ELOVL4: variants seen among roughly 807,000 people sequenced by gnomAD.
ELOVL4 encodes the protein ELOVL fatty acid elongase 4, also known as very long chain fatty acid elongase 4.
ELOVL4 carries 18 observed loss-of-function variants against 42.1 expected under a neutral mutation model. The ratio of observed to expected loss-of-function variants is 0.43; its 90% CI spans 0.30 to 0.63. ELOVL4 has a LOEUF of 0.63. Among genes scored for constraint, ELOVL4 ranks in the 30% least tolerant of loss-of-function variants. The pLI is 0.15. For missense variants in ELOVL4, 299 were observed against 376.2 expected (o/e 0.79, Z 1.70); for synonymous variants, 117 against 127.0 (o/e 0.92, Z 0.53).
chr6:79,922,986 C>T (rs909230825), intron 3 of ELOVL4, among the ~76,000 whole-genome samples: 7 of 152,230 alleles, frequency 4.6e-5, no homozygotes, highest in African/African-American at 1.7e-4. Context: ...TTAATATTCA[C>T]TATTATATTA....
Position 79,921,634 on chromosome 6 carries a change from C to A in ELOVL4, c.532G>T (p.Gly178Ter). ...TCCTGAAAATGCTCACCTTGTCCTC[C>A]TGCAACCCACTTAATTCCAATCCAC... ...LWWIGIKWVA[G>*]GQAFFGAQLN... Residue 178 changes from glycine (G) to a stop codon, truncating the protein, a stop_gained, in exon 4 of 6, where the codon GGA (glycine) becomes TGA (stop). Coordinates refer to ENST00000369816, the MANE Select transcript of ELOVL4 (RefSeq NM_022726.4). LOFTEE classifies it high-confidence loss of function. 1 of 1,613,978 alleles carries A rather than the reference C, an allele frequency of 6.2e-7. No individual in the cohort carries two copies. The highest frequency in any genetic ancestry group is 2.2e-5 in the East Asian group (1 of 44,844).
chr6:79,930,327 G>A (rs1474209626), intron 1 of ELOVL4, among the ~76,000 whole-genome samples: 2 of 152,086 alleles, frequency 1.3e-5, no homozygotes, highest in Non-Finnish European at 1.5e-5. Context: ...AGTTCAGCAG[G>A]GTCAGAGAGC....
intron 1 of ELOVL4, among the ~76,000 whole-genome samples, chr6:79,927,866 A>G (rs1205957657): frequency 6.6e-6 from 1 of 152,324 alleles, no homozygotes; most frequent in East Asian, 1.9e-4. Flanking sequence ...AAATAAACCA[A>G]TATATTTGAA....
Position 79,921,725 on chromosome 6 carries a change from C to T in ELOVL4, c.441G>A (p.Leu147=). 6.2e-7 allele frequency: 1 copy of T among 1,613,862 alleles called. No individual in the cohort carries two copies. The highest frequency in any genetic ancestry group is 8.5e-7 in the Non-Finnish European group (1 of 1,179,854). Residue 147 remains leucine (L), a synonymous_variant, in exon 4 of 6, where the codon CTG becomes CTA. Transcript: ENST00000369816. ...VEYLDTVFFI[L]RKKNNQVSFL... ...AAGAAACTTGGTTGTTTTTCTTTCT[C>T]AGAATAAAAAACACTGTGTCCAAAT...
intron 3 of ELOVL4, among the ~76,000 whole-genome samples, chr6:79,922,646 T>C (rs1412058461): frequency 6.6e-6 from 1 of 152,224 alleles, no homozygotes; most frequent in Non-Finnish European, 1.5e-5. Context: ...AGTACATAAC[T>C]AAAATCTATT....
chr6:79,929,045 G>A (rs1774398391), intron 1 of ELOVL4, among the ~76,000 whole-genome samples: 1 of 151,738 alleles, frequency 6.6e-6, no homozygotes, highest in African/African-American at 2.4e-5. Flanking sequence ...CTCTGCTACT[G>A]TGCATAGGAC....
chr6:79,924,895 G>T (rs1774318318), intron 3 of ELOVL4, 57 bp downstream of exon 3: 2 of 1,016,456 alleles, frequency 2.0e-6, no homozygotes, highest in East Asian at 2.4e-5. Flanking sequence ...TTCACAGACT[G>T]GGGCCTATAA....
chr6:79,938,315 T>C (rs1024493684), intron 1 of ELOVL4, among the ~76,000 whole-genome samples: 6 of 152,160 alleles, frequency 3.9e-5, no homozygotes, highest in African/African-American at 1.4e-4. Context: ...TTTAAGAAAA[T>C]TGAAATGGTG....
intron 1 of ELOVL4, among the ~76,000 whole-genome samples, chr6:79,937,565 T>C (rs755091312): frequency 2.0e-5 from 3 of 152,102 alleles, no homozygotes; most frequent in Non-Finnish European, 4.4e-5. Flanking sequence ...CAATGGAATA[T>C]GAGGACTAAA....
rs78452384 is a variant in ELOVL4, at chr6:79,935,105, T to C, written c.101-8724A>G. Reference sequence around the variant, plus strand: ...CATGACAATATAAACCAGATTTTAATAAATAATAAAATGCCTGTAATCTAA... The same window carrying C: ...CATGACAATATAAACCAGATTTTAACAAATAATAAAATGCCTGTAATCTAA... On this transcript the variant is annotated intron_variant, in intron 1 of 5. Transcript: ENST00000369816. 4.6e-3 allele frequency among the ~76,000 whole-genome samples: 699 copies of C among 152,258 alleles called. 30 individuals are homozygous for C. The East Asian group carries it at 0.12, about 25-fold the overall frequency.
At chr6:79,923,552 T>C (rs573918741) in intron 3 of ELOVL4, among the ~76,000 whole-genome samples, 25 of 152,320 alleles carry the variant, frequency 1.6e-4, no homozygotes, top group African/African-American at 6.0e-4. Context: ...AAGAGATTCT[T>C]TGGCAATAGT....
intron 1 of ELOVL4, among the ~76,000 whole-genome samples, chr6:79,927,899 C>T (rs1440655473): frequency 1.3e-5 from 2 of 152,134 alleles, no homozygotes; most frequent in Non-Finnish European, 2.9e-5. Flanking sequence ...TGGTAAACTT[C>T]TCACAAGGAG....
chr6:79,921,276 A>G (rs1346824324), intron 4 of ELOVL4, among the ~76,000 whole-genome samples: 1 of 151,940 alleles, frequency 6.6e-6, no homozygotes, highest in Non-Finnish European at 1.5e-5. Flanking sequence ...CCTGGCCAAC[A>G]TGGTGAAACC....
At position 79,915,782 on chromosome 6, in the gene ELOVL4, G is replaced by GT. The variant is rs1447716071; in HGVS notation, c.*825dup. On this transcript the variant is annotated 3_prime_UTR_variant, in exon 6 of 6. Transcript: ENST00000369816. ...CAACATATTCTAACAGCACATAAAT[G>GT]TAACTATCTTATGATGTTACTAATA... 5 of 152,216 alleles carry GT rather than the reference G, an allele frequency of 3.3e-5. No homozygotes were observed. The highest frequency in any genetic ancestry group is 7.4e-5 in the Non-Finnish European group (5 of 67,974). 9.4% of individuals were successfully genotyped at this position (152,216 alleles called of 1,614,324 possible). A position where few individuals can be genotyped will look rare whatever the true frequency, so the allele number is the denominator to read the frequency against.
At chr6:79,919,365 A>G in intron 5 of ELOVL4, 55 bp downstream of exon 5, 1 of 1,595,272 alleles carries the variant, frequency 6.3e-7, no homozygotes, top group Non-Finnish European at 8.6e-7. Context: ...AAATTAATCA[A>G]ATTTAAACAA....
intron 5 of ELOVL4, 126 bp from the exon 6 acceptor site, chr6:79,917,009 T>C: frequency 9.8e-7 from 1 of 1,025,126 alleles, no homozygotes. Flanking sequence ...ATTTATTGTT[T>C]TCTGGCTCCC....
intron 3 of ELOVL4, among the ~76,000 whole-genome samples, chr6:79,923,395 G>A (rs943118900): frequency 6.6e-6 from 1 of 152,128 alleles, no homozygotes; most frequent in Non-Finnish European, 1.5e-5. Flanking sequence ...CTGTAAGTGA[G>A]AGTGGTATTT....
intron 1 of ELOVL4, among the ~76,000 whole-genome samples, chr6:79,931,422 G>A (rs1205212831): frequency 1.3e-5 from 2 of 152,104 alleles, no homozygotes; most frequent in African/African-American, 4.8e-5. Flanking sequence ...AGCTGTTGTA[G>A]GCACTACTCA....
intron 1 of ELOVL4, among the ~76,000 whole-genome samples, chr6:79,941,372 C>T (rs1384879071): frequency 6.6e-6 from 1 of 152,172 alleles, no homozygotes; most frequent in African/African-American, 2.4e-5. Context: ...TACCACACTG[C>T]CCTCCTCACT....
Sources: allele counts gnomAD v4.1 joint callset (sites outside exome capture counted in the v4.1 genomes callset), GRCh38; gene constraint gnomAD v4.1.1; transcripts MANE v1.5; gene names NCBI Gene and HGNC (gene_info 2026-07-23, HGNC 2026-07-21).